The following API5 variants were observed in gnomAD, a reference collection of about 807,000 sequenced individuals.
API5 encodes FIF.
In API5, 6 loss-of-function variants were observed where a neutral mutation model predicts 71.9. The observed-to-expected ratio is 0.08, with a 90% CI of 0.05 to 0.16. The LOEUF (loss-of-function observed/expected upper bound fraction) is 0.16. API5 is among the 10% of genes least tolerant of loss of function. The pLI, the probability that API5 is intolerant of heterozygous loss-of-function variation, is 1.00. For synonymous variants in API5, 189 were observed against 221.3 expected (o/e 0.85, Z 1.30); for missense variants, 332 against 612.8 (o/e 0.54, Z 4.84).
At chr11:43,319,418 T>A (rs375046032) in intron 2 of API5, among the ~76,000 whole-genome samples, 15 of 152,192 alleles carry the variant, frequency 9.9e-5, no homozygotes, top group East Asian at 9.6e-4. Context: ...TTGCTGGATA[T>A]AAACCCTATA....
intron 11 of API5, among the ~76,000 whole-genome samples, chr11:43,332,514 T>C (rs1855290672): frequency 6.6e-6 from 1 of 152,128 alleles, no homozygotes; most frequent in Non-Finnish European, 1.5e-5. Flanking sequence ...TGTTTACTGG[T>C]TTATTATAAA....
intron 11 of API5, among the ~76,000 whole-genome samples, chr11:43,333,190 C>A (rs887134882): frequency 2.6e-5 from 4 of 152,122 alleles, no homozygotes; most frequent in African/African-American, 9.7e-5. Flanking sequence ...CCCATGGATA[C>A]CAAAACCCTC....
intron 1 of API5, among the ~76,000 whole-genome samples, chr11:43,315,834 A>G (rs913916271): frequency 6.6e-6 from 1 of 152,176 alleles, no homozygotes; most frequent in Non-Finnish European, 1.5e-5. Flanking sequence ...CTGACTAGCC[A>G]TAATAGAGCA....
At chr11:43,334,238 A>T (rs1054727687) in intron 11 of API5, among the ~76,000 whole-genome samples, 1 of 152,100 alleles carries the variant, frequency 6.6e-6, no homozygotes, top group Non-Finnish European at 1.5e-5. Context: ...AGACTCATCT[A>T]ATTTCACAAC....
chr11:43,315,191 A>C (rs1413982248), intron 1 of API5, among the ~76,000 whole-genome samples: 1 of 152,184 alleles, frequency 6.6e-6, no homozygotes, highest in Non-Finnish European at 1.5e-5. Flanking sequence ...CTCCTTTCAG[A>C]GTAGTGCCTT....
chr11:43,343,392 ATTG>A lies in API5; in HGVS notation c.*885_*887del, dbSNP rs1855686683. ...CTAAGTTAGTTGCACTTACATGATTATTGTTATTTAAAACTAAGAATAAAGGCT... is the reference window on the plus strand; with the variant it reads ...CTAAGTTAGTTGCACTTACATGATTATTATTTAAAACTAAGAATAAAGGCT... On this transcript the variant is annotated 3_prime_UTR_variant, in exon 14 of 14. Transcript: ENST00000531273. The A allele has an allele frequency of 6.6e-6, 1 of 152,430 alleles. No homozygotes were observed. Among genetic ancestry groups the A allele is most frequent in the Admixed American group, 6.5e-5 (1 of 15,274 alleles). The allele number at this position is 152,430 out of a possible 1,614,324, so 9.4% of individuals were successfully genotyped here. A position where few individuals can be genotyped will look rare whatever the true frequency, so the allele number is the denominator to read the frequency against.
intron 10 of API5, 39 bp downstream of exon 10, chr11:43,330,097 C>T: frequency 1.3e-6 from 2 of 1,506,902 alleles, no homozygotes; most frequent in Non-Finnish European, 9.2e-7. Flanking sequence ...CTGCTAGTTC[C>T]ATACCAAACT....
At position 43,332,849 on chromosome 11, in the gene API5, C is replaced by T. The variant is rs575519394; in HGVS notation, c.1278+2285C>T. Among the ~76,000 whole-genome samples, 678 of 152,212 alleles carry T rather than the reference C, an allele frequency of 4.5e-3. 1 individual carries two copies. Among genetic ancestry groups the T allele is most frequent in the African/African-American group, 0.016 (654 of 41,542 alleles). On this transcript the variant is annotated intron_variant, in intron 11 of 13. Transcript: ENST00000531273. ...AGGTGGGGTTGGACTGAGTTCCGAC[C>T]CTGTAAGTATGTGGTTGGTTCCCCA...
chr11:43,329,908 G>C, intron 9 of API5, 57 bp from the exon 10 acceptor site: 1 of 1,482,780 alleles, frequency 6.7e-7, no homozygotes, highest in Non-Finnish European at 9.4e-7. Flanking sequence ...ATAAGATTGA[G>C]TTTAAAAACA....
intron 7 of API5, 32 bp from the exon 8 acceptor site, chr11:43,327,757 A>G (rs1855121513): frequency 3.3e-6 from 5 of 1,530,964 alleles, no homozygotes; most frequent in African/African-American, 1.4e-5. Flanking sequence ...TGCTTATTCA[A>G]AAAAACAGTA....
intron 13 of API5, among the ~76,000 whole-genome samples, chr11:43,338,793 A>G (rs1435750883): frequency 1.3e-5 from 2 of 152,142 alleles, no homozygotes; most frequent in African/African-American, 4.8e-5. Flanking sequence ...GAAAGAGTGG[A>G]TTGTAATAGT....
At chr11:43,327,921 C>A in intron 8 of API5, 43 bp downstream of exon 8, 2 of 1,209,342 alleles carry the variant, frequency 1.7e-6, no homozygotes, top group South Asian at 1.5e-5. Flanking sequence ...CAGTATATAG[C>A]TCAAAGTCTA....
At chr11:43,312,561 G>T (rs1854515065) in intron 1 of API5, among the ~76,000 whole-genome samples, 1 of 152,132 alleles carries the variant, frequency 6.6e-6, no homozygotes. Context: ...AGATTAGATC[G>T]GGAGTTTTCT....
chr11:43,328,183 G>A (rs1050626325), intron 8 of API5, among the ~76,000 whole-genome samples: 3 of 152,118 alleles, frequency 2.0e-5, no homozygotes, highest in African/African-American at 7.2e-5. Context: ...CATGAATTGA[G>A]TCATCAACAT....
Position 43,335,314 on chromosome 11 carries a change from G to A in API5, c.1315G>A (p.Val439Ile), listed in dbSNP as rs746077186. The A allele has an allele frequency of 1.2e-6, 2 of 1,605,672 alleles. No individual in the cohort carries two copies. Among genetic ancestry groups the A allele is most frequent in the Non-Finnish European group, 1.7e-6 (2 of 1,173,304 alleles). The change falls in exon 12 of 14, where the codon GTA becomes ATA. Residue 439 changes from valine to isoleucine, a missense_variant. Val to Ile is a conservative substitution (Grantham distance 29). This residue lies in a region of API5 where 168 missense variants were observed against 343.9 expected (regional missense o/e 0.49). Transcript: ENST00000531273. Reference sequence around the variant, plus strand: ...CATTCCTCCTTCTTATAAGAGCACAGTAACACTATCCTGGAAACCTGTACA... The same window carrying A: ...CATTCCTCCTTCTTATAAGAGCACAATAACACTATCCTGGAAACCTGTACA... ...FHIPPSYKST[V>I]TLSWKPVQKV...
intron 1 of API5, among the ~76,000 whole-genome samples, chr11:43,314,350 C>T (rs1565098714): frequency 6.6e-6 from 1 of 152,136 alleles, no homozygotes. Flanking sequence ...ATAATGCTGT[C>T]CATCCCCTAC....
chr11:43,341,248 T>G (rs983185534), intron 13 of API5, among the ~76,000 whole-genome samples: 5 of 152,126 alleles, frequency 3.3e-5, no homozygotes, highest in African/African-American at 9.7e-5. Context: ...AGATTTTATC[T>G]CATTTACATA....
intron 1 of API5, among the ~76,000 whole-genome samples, chr11:43,317,736 G>A (rs1253686598): frequency 6.6e-6 from 1 of 152,160 alleles, no homozygotes; most frequent in African/African-American, 2.4e-5. Context: ...GGAATGCAGT[G>A]GTGCGATCTC....
At chr11:43,330,325 T>G in intron 10 of API5, 183 bp from the exon 11 acceptor site, 1 of 642,916 alleles carries the variant, frequency 1.6e-6, no homozygotes, top group Admixed American at 3.1e-5. Context: ...CTTTGCTACA[T>G]CTAGATTTGT....
Sources: allele counts gnomAD v4.1 joint callset (sites outside exome capture counted in the v4.1 genomes callset), GRCh38; gene constraint gnomAD v4.1.1; regional missense constraint gnomAD v4.1.1; transcripts MANE v1.5; gene names NCBI Gene and HGNC (gene_info 2026-07-23, HGNC 2026-07-21).